KALRN: variants seen among roughly 807,000 people sequenced by gnomAD.
KALRN encodes kalirin RhoGEF kinase.
A neutral mutation model predicts 353.7 loss-of-function variants in KALRN; 70 were observed. The ratio of observed to expected loss-of-function variants is 0.20; its 90% CI spans 0.16 to 0.24. KALRN has a LOEUF of 0.24. Among genes scored for constraint, KALRN ranks in the 10% least tolerant of loss-of-function variants. The probability of loss-of-function intolerance (pLI) is 1.00; values close to 1 mark genes in which losing one functional copy is unlikely to be tolerated. For synonymous variants in KALRN, 1,391 were observed against 1,434.8 expected (o/e 0.97, Z 0.69); for missense variants, 2,791 against 3,756.7 (o/e 0.74, Z 6.72).
chr3:124,101,153 A>T (rs1316476342), intron 1 of KALRN, among the ~76,000 whole-genome samples: 1 of 152,084 alleles, frequency 6.6e-6, no homozygotes. Context: ...TTCTAGATAA[A>T]CCTTGACTTT....
chr3:124,478,951 T>A (rs1173065200), intron 27 of KALRN, among the ~76,000 whole-genome samples: 1 of 152,214 alleles, frequency 6.6e-6, no homozygotes, highest in Non-Finnish European at 1.5e-5. Flanking sequence ...TCAAAATTCT[T>A]CCTATCCATT....
rs77487374 is a variant in KALRN at position 124,150,783 on chromosome 3, G to C, written c.74-77207G>C. Among the ~76,000 whole-genome samples, 576 of 152,284 alleles carry C rather than the reference G, an allele frequency of 3.8e-3. 2 individuals are homozygous for C. Among genetic ancestry groups the C allele is most frequent in the African/African-American group, 0.013 (545 of 41,560 alleles). ...GTACAGCTCCACGGATTTTTACCCA[G>C]TGAACACACTTGAGTAATCAGCACA... On this transcript the variant is annotated intron_variant, in intron 1 of 59. Transcript: ENST00000682506.
intron 5 of KALRN, among the ~76,000 whole-genome samples, chr3:124,294,107 G>T (rs1438022885): frequency 6.6e-6 from 1 of 152,070 alleles, no homozygotes; most frequent in East Asian, 1.9e-4. Flanking sequence ...TGTTCCAACT[G>T]AGGAATAGCA....
chr3:124,689,326 C>T (rs1163258243), intron 51 of KALRN, among the ~76,000 whole-genome samples: 1 of 152,166 alleles, frequency 6.6e-6, no homozygotes, highest in Non-Finnish European at 1.5e-5. Flanking sequence ...GCAATCCTCC[C>T]ACCTCAGCTT....
intron 34 of KALRN, among the ~76,000 whole-genome samples, chr3:124,578,766 T>TA (rs10526930): frequency 0.052 from 7,493 of 144,440 alleles, 219 homozygotes; most frequent in Middle Eastern, 0.072. Context: ...AAACTCCATT[T>TA]AAAAAAAAAA....
intron 17 of KALRN, among the ~76,000 whole-genome samples, chr3:124,436,994 G>T (rs1270794820): frequency 6.8e-6 from 1 of 147,648 alleles, no homozygotes; most frequent in African/African-American, 2.5e-5. Context: ...TTTGGTGACA[G>T]ATCTTCTCAT....
intron 16 of KALRN, among the ~76,000 whole-genome samples, chr3:124,431,029 C>A (rs955800514): frequency 1.3e-5 from 2 of 152,198 alleles, no homozygotes; most frequent in Non-Finnish European, 2.9e-5. Context: ...CTATCAGTAC[C>A]TTCAACCTTT....
At chr3:124,462,059 G>C (rs922771668) in intron 24 of KALRN, 103 bp downstream of exon 24, 2 of 810,448 alleles carry the variant, frequency 2.5e-6, no homozygotes, top group Non-Finnish European at 4.2e-6. Context: ...TTCTCCCAGA[G>C]AGTAATGAAT....
intron 13 of KALRN, among the ~76,000 whole-genome samples, chr3:124,401,703 A>AT (rs1376919398): frequency 6.6e-6 from 1 of 152,032 alleles, no homozygotes; most frequent in Non-Finnish European, 1.5e-5. Flanking sequence ...TAACGTCCGG[A>AT]TTTTACAAGG....
At chr3:124,611,385 G>T (rs554839157) in intron 34 of KALRN, among the ~76,000 whole-genome samples, 66 of 152,330 alleles carry the variant, frequency 4.3e-4, no homozygotes, top group Non-Finnish European at 7.5e-4. Context: ...CAGATAGTAA[G>T]GAGGCATAGG....
intron 5 of KALRN, among the ~76,000 whole-genome samples, chr3:124,296,941 C>T (rs1387781792): frequency 6.6e-6 from 1 of 152,258 alleles, no homozygotes; most frequent in African/African-American, 2.4e-5. Flanking sequence ...CTCTTCTGTG[C>T]TCCCTCAACA....
intron 5 of KALRN, among the ~76,000 whole-genome samples, chr3:124,283,436 T>G (rs898734384): frequency 3.3e-5 from 5 of 152,158 alleles, no homozygotes; most frequent in African/African-American, 1.2e-4. Flanking sequence ...AAATATTTTA[T>G]CAGCATTTGT....
At chr3:124,430,868 C>T (rs2093239399) in intron 16 of KALRN, 93 bp downstream of exon 16, 2 of 1,441,090 alleles carry the variant, frequency 1.4e-6, no homozygotes, top group Non-Finnish European at 1.9e-6. Flanking sequence ...TTCCTTCAGG[C>T]AGCGAAGGCT....
At chr3:124,370,242 AG>A (rs1360239005) in intron 10 of KALRN, among the ~76,000 whole-genome samples, 1 of 152,066 alleles carries the variant, frequency 6.6e-6, no homozygotes, top group Non-Finnish European at 1.5e-5. Context: ...TTTTATGATC[AG>A]GATACAAAAA....
intron 5 of KALRN, among the ~76,000 whole-genome samples, chr3:124,286,181 T>TCTTC (rs1174338704): frequency 1.4e-5 from 2 of 147,714 alleles, no homozygotes; most frequent in African/African-American, 5.0e-5. Context: ...TCTTTCTCTT[T>TCTTC]CTTCCTTCCT....
chr3:124,667,153 G>A lies in KALRN; in HGVS notation c.6673G>A (p.Val2225Ile). Residue 2225 changes from valine to isoleucine, a missense_variant, in exon 47 of 60, where the codon GTC becomes ATC. By Grantham distance (29) the Val-to-Ile change is conservative (BLOSUM62 3). Coordinates refer to ENST00000682506, the MANE Select transcript of KALRN (RefSeq NM_001388419.1). The part of the protein sequence containing the change: ...QQAWVQDINQ[V>I]LETQRDFLNA... ...GGCCTGGGTGCAGGACATCAATCAA[G>A]TCTTAGAAACACAGCGAGACTTTTT... 2 of 1,614,148 alleles carry A rather than the reference G, an allele frequency of 1.2e-6. No individual in the cohort carries two copies. The highest frequency in any genetic ancestry group is 2.2e-5 in the East Asian group (1 of 44,884).
At chr3:124,197,744 A>G (rs529340957) in intron 1 of KALRN, among the ~76,000 whole-genome samples, 1 of 152,336 alleles carries the variant, frequency 6.6e-6, no homozygotes, top group East Asian at 1.9e-4. Context: ...ACTGCTGTGC[A>G]TAGGGAGGGA....
chr3:124,264,814 A>T, intron 4 of KALRN, 124 bp downstream of exon 4: 1 of 857,996 alleles, frequency 1.2e-6, no homozygotes, highest in Non-Finnish European at 1.8e-6. Flanking sequence ...AGATTTCAGG[A>T]TTCCTTGGCC....
intron 34 of KALRN, among the ~76,000 whole-genome samples, chr3:124,605,686 C>T (rs56087186): frequency 0.6 from 90,583 of 151,754 alleles, 27,253 homozygotes; most frequent in East Asian, 0.83. Flanking sequence ...CTTTGAAGCT[C>T]CATAGACCTG....
Sources: allele counts gnomAD v4.1 joint callset (sites outside exome capture counted in the v4.1 genomes callset), GRCh38; gene constraint gnomAD v4.1.1; transcripts MANE v1.5; gene names NCBI Gene and HGNC (gene_info 2026-07-23, HGNC 2026-07-21).